Variants in GRAMD4 observed in about 807,000 individuals in gnomAD.
The protein encoded by GRAMD4 is GRAM domain-containing protein 4.
In GRAMD4, 25 loss-of-function variants were observed where a neutral mutation model predicts 83.9. The ratio of observed to expected loss-of-function variants is 0.30; its 90% CI spans 0.22 to 0.42. GRAMD4 has a LOEUF of 0.42. GRAMD4 is among the 10% of genes least tolerant of loss of function. The probability of loss-of-function intolerance (pLI) is 1.00; values close to 1 mark genes in which losing one functional copy is unlikely to be tolerated. For missense variants in GRAMD4, 593 were observed against 788.7 expected, an observed-to-expected ratio of 0.75 and a Z score of 2.97; for synonymous variants, 336 against 320.9, an observed-to-expected ratio of 1.05 and a Z score of -0.50.
At chr22:46,630,818 T>C (rs1433742900) in intron 2 of GRAMD4, among the ~76,000 whole-genome samples, 1 of 152,204 alleles carries the variant, frequency 6.6e-6, no homozygotes, top group East Asian at 1.9e-4. Flanking sequence ...CTGGACCGAG[T>C]GTGCCTGTGT....
upstream of GRAMD4, among the ~76,000 whole-genome samples, chr22:46,576,878 CG>C (rs201123064): frequency 0.14 from 20,935 of 146,042 alleles, 1,696 homozygotes; most frequent in East Asian, 0.22. Flanking sequence ...CGCGTGGGTG[CG>C]AGCGGCGGGG....
At chr22:46,597,058 C>T (rs761723756) in intron 1 of GRAMD4, among the ~76,000 whole-genome samples, 3 of 152,142 alleles carry the variant, frequency 2.0e-5, no homozygotes, top group African/African-American at 7.2e-5. Flanking sequence ...CGCCTGCTTT[C>T]GATAAGTCCT....
chr22:46,626,685 T>G, intron 1 of GRAMD4, 66 bp from the exon 2 acceptor site: 1 of 1,001,440 alleles, frequency 1.0e-6, no homozygotes, highest in East Asian at 2.4e-5. Context: ...GTGCCCTGTG[T>G]GTGGGAGCTG....
At chr22:46,608,881 G>A (rs959985149) in intron 1 of GRAMD4, among the ~76,000 whole-genome samples, 16 of 152,068 alleles carry the variant, frequency 1.1e-4, no homozygotes, top group African/African-American at 3.1e-4. Flanking sequence ...GCAGTGGCAC[G>A]TGCCTGTAGT....
intron 1 of GRAMD4, among the ~76,000 whole-genome samples, chr22:46,579,024 A>G (rs2081072188): frequency 6.6e-6 from 1 of 152,168 alleles, no homozygotes; most frequent in African/African-American, 2.4e-5. Context: ...CCTATGGCTG[A>G]TGCGTGGAGT....
chr22:46,660,184 A>G (rs774212902), intron 4 of GRAMD4, among the ~76,000 whole-genome samples: 5 of 152,162 alleles, frequency 3.3e-5, no homozygotes, highest in African/African-American at 4.8e-5. Context: ...AGGGAGCCCC[A>G]TCTCGCACAG....
At chr22:46,624,933 T>C (rs2147156397) in intron 1 of GRAMD4, among the ~76,000 whole-genome samples, 1 of 149,126 alleles carries the variant, frequency 6.7e-6, no homozygotes, top group Admixed American at 6.7e-5. Flanking sequence ...GGATCTCAGC[T>C]CACTTCAAGC....
intron 1 of GRAMD4, among the ~76,000 whole-genome samples, chr22:46,604,591 C>T (rs2077676031): frequency 6.6e-6 from 1 of 152,246 alleles, no homozygotes; most frequent in East Asian, 1.9e-4. Context: ...CAATCCACTT[C>T]CTGTCTCTGT....
At chr22:46,675,437 C>A (rs758182873) in intron 16 of GRAMD4, 31 bp from the exon 17 acceptor site, 39 of 1,522,974 alleles carry the variant, frequency 2.6e-5, no homozygotes, top group Non-Finnish European at 3.5e-5. Flanking sequence ...GTTCAAGAGC[C>A]AGGCGACGCC....
rs886435867 is a variant in GRAMD4 at position 46,672,566 on chromosome 22, G to A, written c.1085-277G>A. Among the ~76,000 whole-genome samples the A allele has an allele frequency of 6.6e-6, 1 of 151,998 alleles. No individual in the cohort carries two copies. Among genetic ancestry groups the A allele is most frequent in the African/African-American group, 2.4e-5 (1 of 41,358 alleles). Reference sequence around the variant, plus strand: ...AGAGAAGTGAGGGGCATTGGATGGGGGGGTCCTAGCAGAGCTGAGGGGTCT... The same window carrying A: ...AGAGAAGTGAGGGGCATTGGATGGGAGGGTCCTAGCAGAGCTGAGGGGTCT... On this transcript the variant is annotated intron_variant, in intron 13 of 18. Coordinates refer to ENST00000406902, the MANE Select transcript of GRAMD4 (RefSeq NM_015124.5). The surrounding 1 kb of genome is among the most constrained non-coding windows in gnomAD (Gnocchi z 4.7).
chr22:46,673,710 C>T lies in GRAMD4; in HGVS notation c.1280C>T (p.Pro427Leu), dbSNP rs778986748. ...TSSRSYVPSA[P>L]AGLGKEEDAG... ...TCACGGAGCTACGTACCCAGCGCAC[C>T]GGCCGGCCTGGGTAAAGAGGAGGAC... The change falls in exon 15 of 19, where the codon CCG becomes CTG. Residue 427 changes from proline to leucine, a missense_variant. By Grantham distance (98) the Pro-to-Leu change is moderately conservative. This residue lies in a region of GRAMD4 where 171 missense variants were observed against 199.6 expected (regional missense o/e 0.86). Coordinates refer to ENST00000406902, the MANE Select transcript of GRAMD4 (RefSeq NM_015124.5). 6.8e-5 allele frequency: 110 copies of T among 1,612,700 alleles called. No individual in the cohort carries two copies. The highest frequency in any genetic ancestry group is 7.9e-5 in the Non-Finnish European group (93 of 1,179,860).
At chr22:46,584,226 C>A (rs2081125631) in intron 1 of GRAMD4, among the ~76,000 whole-genome samples, 1 of 152,080 alleles carries the variant, frequency 6.6e-6, no homozygotes, top group Admixed American at 6.5e-5. Flanking sequence ...TGCAGGGAGC[C>A]CGGGTTCCTT....
chr22:46,638,153 C>G (rs552321914), intron 3 of GRAMD4, among the ~76,000 whole-genome samples, 193 bp downstream of exon 3: 24 of 152,344 alleles, frequency 1.6e-4, no homozygotes, highest in African/African-American at 5.8e-4. Context: ...GCCTCTGTCT[C>G]TGTGTTTGAG....
intron 2 of GRAMD4, among the ~76,000 whole-genome samples, chr22:46,635,683 A>T (rs1277483411): frequency 1.3e-5 from 1 of 76,776 alleles, no homozygotes; most frequent in African/African-American, 7.2e-5. Context: ...TGTCCAGGGG[A>T]GCTGTGTCCT....
At chr22:46,667,753 C>G (rs1476637205) in intron 10 of GRAMD4, among the ~76,000 whole-genome samples, 1 of 152,238 alleles carries the variant, frequency 6.6e-6, no homozygotes, top group African/African-American at 2.4e-5. Context: ...GGGAGACAAG[C>G]AGGACCAGGG....
At chr22:46,610,664 G>C (rs185403032) in intron 1 of GRAMD4, among the ~76,000 whole-genome samples, 1 of 152,236 alleles carries the variant, frequency 6.6e-6, no homozygotes, top group Non-Finnish European at 1.5e-5. Context: ...AATTGGGCAA[G>C]GGCAGTGGCA....
chr22:46,676,984 G>A (rs975369116), intron 18 of GRAMD4, among the ~76,000 whole-genome samples, 163 bp from the exon 19 acceptor site: 4 of 152,224 alleles, frequency 2.6e-5, no homozygotes, highest in Admixed American at 2.0e-4. Flanking sequence ...TTCCCCTGAA[G>A]GCTGGAGCCT....
intron 10 of GRAMD4, among the ~76,000 whole-genome samples, chr22:46,667,245 C>T (rs1200178991): frequency 2.6e-5 from 4 of 152,128 alleles, no homozygotes; most frequent in Non-Finnish European, 5.9e-5. Context: ...GACCTGTTCC[C>T]ATCTGAGATT....
intron 2 of GRAMD4, among the ~76,000 whole-genome samples, chr22:46,634,085 A>G (rs929074374): frequency 1.3e-5 from 2 of 152,246 alleles, no homozygotes; most frequent in African/African-American, 4.8e-5. Context: ...TGTACCTTCA[A>G]GGAGCCATTG....
Sources: gnomAD v4.1 joint callset for allele counts (sites outside exome capture counted in the v4.1 genomes callset) on GRCh38, gnomAD v4.1.1 for gene constraint, gnomAD v4.1.1 regional missense constraint, Gnocchi (gnomAD v3.1) non-coding constraint, MANE v1.5 for transcripts, NCBI Gene and HGNC (gene_info 2026-07-23, HGNC 2026-07-21) for gene names.